Variants in HTR6 observed in about 807,000 individuals in gnomAD.
HTR6 encodes the protein 5-hydroxytryptamine receptor 6, also known as 5-hydroxytryptamine (serotonin) receptor 6, G protein-coupled.
In HTR6, 15 loss-of-function variants were observed where a neutral mutation model predicts 17.4. That is an observed-to-expected ratio of 0.86 (90% CI 0.58 to 1.33). The LOEUF (loss-of-function observed/expected upper bound fraction) is 1.33, where lower values mean the gene tolerates loss of function less well. Among genes scored for constraint, HTR6 ranks in the 40% most tolerant of loss-of-function variants. HTR6 has a pLI of 0.00. For synonymous variants in HTR6, 326 were observed against 295.5 expected (o/e 1.10, Z -1.06); for missense variants, 578 against 616.0 (o/e 0.94, Z 0.65).
chr1:19,665,918 C>T lies in HTR6; in HGVS notation c.165C>T (p.Pro55=). 1.2e-6 allele frequency: 2 copies of T among 1,613,230 alleles called. No individual in the cohort carries two copies. The highest frequency in any genetic ancestry group is 2.2e-5 in the East Asian group (1 of 44,852). Residue 55 remains proline (P), a synonymous_variant, in exon 1 of 3, where the codon CCC becomes CCT. Coordinates refer to ENST00000289753, the MANE Select transcript of HTR6 (RefSeq NM_000871.3). This position sits in a 1 kb window ranked among gnomAD's most constrained non-coding sequence, Gnocchi z 4.2. ...TGATCGCGCTCATCTGCACTCAGCC[C>T]GCGCTGCGCAACACGTCCAACTTCT... is the stretch of plus-strand genomic sequence containing the variant. ...SLLIALICTQ[P]ALRNTSNFFL...
chr1:19,667,887 T>C (rs1394709959), intron 1 of HTR6, among the ~76,000 whole-genome samples: 2 of 152,126 alleles, frequency 1.3e-5, no homozygotes, highest in Admixed American at 6.5e-5. Flanking sequence ...CCAGCTGGGC[T>C]CTTTTGGTGT....
rs763955540 is a variant in HTR6 at position 19,679,209 on chromosome 1, C to T, written c.1164C>T (p.Gly388=). The stretch of plus-strand genomic sequence containing the variant: ...CGGACTCAGACGCAGGCTCAGGCGG[C>T]TCCTCGGGCCTGCGGCTCACGGCCC... The part of the protein sequence containing the change: ...SDSDSDAGSG[G]SSGLRLTAQL... The change falls in exon 3 of 3, where the codon GGC becomes GGT. Residue 388 remains glycine, a synonymous_variant. Transcript: ENST00000289753. The surrounding 1 kb of genome is among the most constrained non-coding windows in gnomAD (Gnocchi z 4.9). The T allele has an allele frequency of 1.3e-6, 2 of 1,567,402 alleles. No homozygotes were observed. Among genetic ancestry groups the T allele is most frequent in the Non-Finnish European group, 1.7e-6 (2 of 1,159,112 alleles).
chr1:19,678,829 CGT>C (rs141362075), intron 2 of HTR6, 88 bp from the exon 3 acceptor site: 893 of 1,464,442 alleles, frequency 6.1e-4, no homozygotes, highest in East Asian at 2.4e-3. Flanking sequence ...TCTCGTGGTG[CGT>C]GTGTGTGTGT....
At position 19,678,977 on chromosome 1, in the gene HTR6, G is replaced by T; in HGVS notation, c.932G>T (p.Cys311Phe). ...LFDVLTWLGY[C>F]NSTMNPIIYP... ...GATGTCCTCACATGGCTGGGTTACT[G>T]TAACAGCACCATGAACCCCATCATC... is the stretch of plus-strand genomic sequence containing the variant. The change falls in exon 3 of 3, where the codon TGT (cysteine) becomes TTT (phenylalanine). Residue 311 changes from cysteine to phenylalanine, a missense_variant. Physicochemically the swap from Cys to Phe is radical, Grantham distance 205. Transcript: ENST00000289753. 1 of 1,614,148 alleles carries T rather than the reference G, an allele frequency of 6.2e-7. No homozygotes were observed. Among genetic ancestry groups the T allele is most frequent in the Non-Finnish European group, 8.5e-7 (1 of 1,179,990 alleles).
Position 19,678,642 on chromosome 1 carries a change from C to T in HTR6, c.790C>T (p.Leu264=). 1 of 1,613,796 alleles carries T rather than the reference C, an allele frequency of 6.2e-7. No individual in the cohort carries two copies. Among genetic ancestry groups the T allele is most frequent in the Non-Finnish European group, 8.5e-7 (1 of 1,180,014 alleles). Residue 264 remains leucine, a synonymous_variant, in exon 2 of 3, where the codon CTG becomes TTG. Coordinates refer to ENST00000289753, the MANE Select transcript of HTR6 (RefSeq NM_000871.3). ...AGCCACGAAGCACAGCAGGAAGGCCCTGAAGGCCAGCCTGACGCTGGGCAT... is the reference window on the plus strand; with the variant it reads ...AGCCACGAAGCACAGCAGGAAGGCCTTGAAGGCCAGCCTGACGCTGGGCAT... ...RLATKHSRKA[L]KASLTLGILL...
At position 19,665,897 on chromosome 1, in the gene HTR6, C is replaced by G. The variant is rs61733141; in HGVS notation, c.144C>G (p.Ile48Met). 1.1e-5 allele frequency: 18 copies of G among 1,611,220 alleles called. No individual in the cohort carries two copies. The Admixed American group carries it at 2.8e-4, about 25-fold the overall frequency. ...ALTAAANSLLIALICTQPALR... is the reference protein window; with the variant it reads ...ALTAAANSLLMALICTQPALR... The stretch of plus-strand genomic sequence containing the variant: ...CGGCGGCGGCCAACTCGCTGCTGAT[C>G]GCGCTCATCTGCACTCAGCCCGCGC... The change falls in exon 1 of 3, where the codon ATC (isoleucine) becomes ATG (methionine). Residue 48 changes from isoleucine (I) to methionine (M), a missense_variant. Coordinates refer to ENST00000289753, the MANE Select transcript of HTR6 (RefSeq NM_000871.3). This position sits in a 1 kb window ranked among gnomAD's most constrained non-coding sequence, Gnocchi z 4.2.
In HTR6 at chr1:19,679,256, C is replaced by T; in HGVS notation, c.1211C>T (p.Ala404Val). The change falls in exon 3 of 3, where the codon GCC (alanine) becomes GTC (valine). Residue 404 changes from alanine to valine, a missense_variant. By Grantham distance (64) the Ala-to-Val change is moderately conservative (BLOSUM62 0). Coordinates refer to ENST00000289753, the MANE Select transcript of HTR6 (RefSeq NM_000871.3). This position sits in a 1 kb window ranked among gnomAD's most constrained non-coding sequence, Gnocchi z 4.9. The stretch of plus-strand genomic sequence containing the variant: ...GCCCAGCTGCTGCTTCCTGGCGAGG[C>T]CACCCAGGACCCCCCGCTGCCCACC... The part of the protein sequence containing the change: ...LTAQLLLPGE[A>V]TQDPPLPTRA... The T allele has an allele frequency of 6.3e-7, 1 of 1,596,186 alleles. No homozygotes were observed. The highest frequency in any genetic ancestry group is 1.1e-5 in the South Asian group (1 of 88,788).
At position 19,665,795 on chromosome 1, in the gene HTR6, C is replaced by T; in HGVS notation, c.42C>T (p.Ala14=). ...EPGPTANSTP[A]WGAGPPSAPG... ...GCCCAACCGCCAATAGCACCCCGGCCTGGGGGGCAGGGCCGCCGTCGGCCC... is the reference window on the plus strand; with the variant it reads ...GCCCAACCGCCAATAGCACCCCGGCTTGGGGGGCAGGGCCGCCGTCGGCCC... Residue 14 remains alanine (A), a synonymous_variant, in exon 1 of 3, where the codon GCC becomes GCT. Coordinates refer to ENST00000289753, the MANE Select transcript of HTR6 (RefSeq NM_000871.3). The surrounding 1 kb of genome is among the most constrained non-coding windows in gnomAD (Gnocchi z 4.2). The T allele has an allele frequency of 6.6e-7, 1 of 1,515,142 alleles. No individual in the cohort carries two copies. Among genetic ancestry groups the T allele is most frequent in the East Asian group, 2.4e-5 (1 of 41,492 alleles). The allele number at this position is 1,515,142 out of a possible 1,614,324, so 93.9% of individuals were successfully genotyped here.
rs1246715864 is a variant in HTR6, at chr1:19,679,976, T to A, written c.*608T>A. 6.6e-6 allele frequency among the ~76,000 whole-genome samples: 1 copy of A among 152,180 alleles called. No homozygotes were observed. Among genetic ancestry groups the A allele is most frequent in the Non-Finnish European group, 1.5e-5 (1 of 68,022 alleles). ...TGATTTGCTGGATGGTTTTTGGACC[T>A]GTCAGTCTCCCCTCCCTGGTATATA... is the stretch of plus-strand genomic sequence containing the variant. On this transcript the variant is annotated 3_prime_UTR_variant, in exon 3 of 3. Transcript: ENST00000289753. This position sits in a 1 kb window ranked among gnomAD's most constrained non-coding sequence, Gnocchi z 4.9.
rs1197343369 is a variant in HTR6 at position 19,679,369 on chromosome 1, C to T, written c.*1C>T. On this transcript the variant is annotated 3_prime_UTR_variant, in exon 3 of 3. Transcript: ENST00000289753. This position sits in a 1 kb window ranked among gnomAD's most constrained non-coding sequence, Gnocchi z 4.9. ...TCCACTTGGCATCCCCACGAACTGA[C>T]CCGGGCTTGGGGCTGGCCAATGGGG... 1.3e-6 allele frequency: 2 copies of T among 1,579,936 alleles called. No homozygotes were observed. Among genetic ancestry groups the T allele is most frequent in the East Asian group, 2.3e-5 (1 of 44,286 alleles).
rs2095099579 is a variant in HTR6 at position 19,679,815 on chromosome 1, A to T, written c.*447A>T. ...AATCGGCATTGCCGTCACCTTTGGGAGTTTGTGAAAAATGCACATCTCTGC... is the reference window on the plus strand; with the variant it reads ...AATCGGCATTGCCGTCACCTTTGGGTGTTTGTGAAAAATGCACATCTCTGC... On this transcript the variant is annotated 3_prime_UTR_variant, in exon 3 of 3. Transcript: ENST00000289753. This position sits in a 1 kb window ranked among gnomAD's most constrained non-coding sequence, Gnocchi z 4.9. Among the ~76,000 whole-genome samples the T allele has an allele frequency of 6.6e-6, 1 of 152,128 alleles. No individual in the cohort carries two copies. Among genetic ancestry groups the T allele is most frequent in the South Asian group, 2.1e-4 (1 of 4,826 alleles).
At chr1:19,672,942 A>G (rs1246977744) in intron 1 of HTR6, among the ~76,000 whole-genome samples, 2 of 152,170 alleles carry the variant, frequency 1.3e-5, no homozygotes, top group Admixed American at 6.5e-5. Flanking sequence ...CTGAGGTGAG[A>G]GGATTGCTTG....
At position 19,679,152 on chromosome 1, in the gene HTR6, G is replaced by GCTGCCGCTGCCC; in HGVS notation, c.1115_1126dup (p.Leu372_Pro375dup). On this transcript the variant is annotated inframe_insertion, in exon 3 of 3. Transcript: ENST00000289753. The surrounding 1 kb of genome is among the most constrained non-coding windows in gnomAD (Gnocchi z 4.9). ...GGCCCGGCCTTAGCCTACAGCAGGTGCTGCCGCTGCCCCTGCCGCCGGACT... is the reference window on the plus strand; with the variant it reads ...GGCCCGGCCTTAGCCTACAGCAGGTGCTGCCGCTGCCCCTGCCGCTGCCCCTGCCGCCGGACT... The GCTGCCGCTGCCC allele has an allele frequency of 4.4e-6, 7 of 1,593,460 alleles. No individual in the cohort carries two copies. The highest frequency in any genetic ancestry group is 6.0e-6 in the Non-Finnish European group (7 of 1,173,126).
intron 1 of HTR6, among the ~76,000 whole-genome samples, chr1:19,673,890 A>G (rs2095091233): frequency 7.0e-6 from 1 of 143,500 alleles, no homozygotes; most frequent in Non-Finnish European, 1.5e-5. Flanking sequence ...CTGTTAGGAC[A>G]GAGTGTCACT....
rs1370363359 is a variant in HTR6 at position 19,678,626 on chromosome 1, G to A, written c.774G>A (p.Lys258=). ...ESADSRRLAT[K]HSRKALKASL... ...CTGACAGCAGGCGTCTAGCCACGAAGCACAGCAGGAAGGCCCTGAAGGCCA... is the reference window on the plus strand; with the variant it reads ...CTGACAGCAGGCGTCTAGCCACGAAACACAGCAGGAAGGCCCTGAAGGCCA... Residue 258 remains lysine, a synonymous_variant, in exon 2 of 3, where the codon AAG becomes AAA. Transcript: ENST00000289753. 1 of 1,613,612 alleles carries A rather than the reference G, an allele frequency of 6.2e-7. No homozygotes were observed. Among genetic ancestry groups the A allele is most frequent in the Admixed American group, 1.7e-5 (1 of 60,030 alleles).
chr1:19,678,989 T>A lies in HTR6; in HGVS notation c.944T>A (p.Met315Lys). 1 of 1,614,118 alleles carries A rather than the reference T, an allele frequency of 6.2e-7. No homozygotes were observed. The highest frequency in any genetic ancestry group is 2.2e-5 in the East Asian group (1 of 44,860). ...TGGCTGGGTTACTGTAACAGCACCA[T>A]GAACCCCATCATCTACCCACTCTTC... ...LTWLGYCNST[M>K]NPIIYPLFMR... is the part of the protein sequence containing the mutation. Residue 315 changes from methionine to lysine, a missense_variant, in exon 3 of 3, where the codon ATG becomes AAG. By Grantham distance (95) the Met-to-Lys change is moderately conservative. Coordinates refer to ENST00000289753, the MANE Select transcript of HTR6 (RefSeq NM_000871.3).
rs1480404735 is a variant in HTR6, at chr1:19,676,629, GC to G, written c.715-1936del. Among the ~76,000 whole-genome samples the G allele has an allele frequency of 2.6e-5, 4 of 152,214 alleles. No individual in the cohort carries two copies. The South Asian group carries it at 6.2e-4, about 24-fold the overall frequency. On this transcript the variant is annotated intron_variant, in intron 1 of 2. Coordinates refer to ENST00000289753, the MANE Select transcript of HTR6 (RefSeq NM_000871.3). ...CACCAACTCTGGAGGCCTAGAAAGA[GC>G]CGGGGCTGGAGGAGAGGGCATGCGC... is the stretch of plus-strand genomic sequence containing the variant.
chr1:19,679,021 G>T lies in HTR6; in HGVS notation c.976G>T (p.Asp326Tyr). Reference sequence around the variant, plus strand: ...CATCATCTACCCACTCTTCATGCGGGACTTCAAGCGGGCGCTGGGCAGGTT... The same window carrying T: ...CATCATCTACCCACTCTTCATGCGGTACTTCAAGCGGGCGCTGGGCAGGTT... ...NPIIYPLFMR[D>Y]FKRALGRFLP... Residue 326 changes from aspartate to tyrosine, a missense_variant, in exon 3 of 3, where the codon GAC becomes TAC. Asp to Tyr is a radical substitution (Grantham distance 160). Transcript: ENST00000289753. The surrounding 1 kb of genome is among the most constrained non-coding windows in gnomAD (Gnocchi z 4.9). 1 of 1,614,144 alleles carries T rather than the reference G, an allele frequency of 6.2e-7. No homozygotes were observed. Among genetic ancestry groups the T allele is most frequent in the South Asian group, 1.1e-5 (1 of 91,090 alleles).
intron 1 of HTR6, among the ~76,000 whole-genome samples, chr1:19,678,265 C>T (rs1400780045): frequency 6.6e-6 from 1 of 152,168 alleles, no homozygotes; most frequent in African/African-American, 2.4e-5. Context: ...AGAGCTCAGT[C>T]TAGGTCCACA....
Sources: allele counts gnomAD v4.1 joint callset (sites outside exome capture counted in the v4.1 genomes callset), GRCh38; gene constraint gnomAD v4.1.1; non-coding constraint Gnocchi (gnomAD v3.1); transcripts MANE v1.5; gene names NCBI Gene and HGNC (gene_info 2026-07-23, HGNC 2026-07-21).